GAS2L3: variants seen among roughly 807,000 people sequenced by gnomAD.
The protein encoded by GAS2L3 is GAS2-like protein 3.
Under a neutral mutation model 37.0 loss-of-function variants are expected in GAS2L3, and 28 were observed. The observed-to-expected ratio is 0.76, with a 90% CI of 0.56 to 1.04. The LOEUF (loss-of-function observed/expected upper bound fraction) is 1.04, where lower values mean the gene tolerates loss of function less well. Ranked by LOEUF, GAS2L3 falls within the 50% of genes least tolerant of loss-of-function variation. The pLI is 0.00. For missense variants in GAS2L3, 793 were observed against 817.6 expected, an observed-to-expected ratio of 0.97 and a Z score of 0.37; for synonymous variants, 290 against 296.6, an observed-to-expected ratio of 0.98 and a Z score of 0.23.
Position 100,624,402 on chromosome 12 carries a change from C to G in GAS2L3, c.1597C>G (p.Leu533Val). 6.2e-7 allele frequency: 1 copy of G among 1,613,978 alleles called. No individual in the cohort carries two copies. Among genetic ancestry groups the G allele is most frequent in the Non-Finnish European group, 8.5e-7 (1 of 1,180,000 alleles). ...KTSSKTIATG[L>V]GTQSQPSDGA... ...CAGTTCCAAAACCATAGCCACGGGTCTAGGAACACAGTCTCAACCATCCGA... is the reference window on the plus strand; with the variant it reads ...CAGTTCCAAAACCATAGCCACGGGTGTAGGAACACAGTCTCAACCATCCGA... Residue 533 changes from leucine to valine, a missense_variant, in exon 10 of 10, where the codon CTA becomes GTA. Transcript: ENST00000547754.
chr12:100,589,403 A>C (rs1955819102), intron 1 of GAS2L3, among the ~76,000 whole-genome samples: 1 of 152,140 alleles, frequency 6.6e-6, no homozygotes, highest in Non-Finnish European at 1.5e-5. Context: ...ACTACAAAAC[A>C]CTGCTGAAAC....
chr12:100,625,835 A>T lies in GAS2L3; in HGVS notation c.*945A>T, dbSNP rs1284193437. The T allele has an allele frequency of 1.3e-5, 2 of 152,230 alleles. No homozygotes were observed. Among genetic ancestry groups the T allele is most frequent in the East Asian group, 3.8e-4 (2 of 5,206 alleles). 9.4% of individuals were successfully genotyped at this position (152,230 alleles called of 1,614,324 possible). On this transcript the variant is annotated 3_prime_UTR_variant, in exon 10 of 10. Coordinates refer to ENST00000547754, the MANE Select transcript of GAS2L3 (RefSeq NM_174942.3). ...GTTAAAATAATTTTAGAGTTATGCT[A>T]TGTAAAAATTCTATCATGAAATTAT...
chr12:100,602,750 C>G (rs1208935708), intron 5 of GAS2L3, among the ~76,000 whole-genome samples: 1 of 151,950 alleles, frequency 6.6e-6, no homozygotes, highest in Non-Finnish European at 1.5e-5. Flanking sequence ...TTCTTTCTAA[C>G]TATATATTTT....
chr12:100,588,432 G>C (rs1211634277), intron 1 of GAS2L3, among the ~76,000 whole-genome samples: 1 of 152,164 alleles, frequency 6.6e-6, no homozygotes, highest in East Asian at 1.9e-4. Flanking sequence ...AAGATCACAT[G>C]CTTCAAAGGG....
chr12:100,596,769 T>C (rs1015900591), intron 3 of GAS2L3, among the ~76,000 whole-genome samples: 17 of 152,124 alleles, frequency 1.1e-4, no homozygotes, highest in African/African-American at 4.1e-4. Context: ...TCTGGGGTCA[T>C]AGTCCCATTT....
At chr12:100,589,391 A>G (rs1955819043) in intron 1 of GAS2L3, among the ~76,000 whole-genome samples, 2 of 152,184 alleles carry the variant, frequency 1.3e-5, no homozygotes, top group South Asian at 4.1e-4. Flanking sequence ...TCTACAAGGA[A>G]AACTACAAAA....
chr12:100,593,784 C>T (rs1204665053), intron 2 of GAS2L3: 1 of 152,068 alleles, frequency 6.6e-6, no homozygotes, highest in Non-Finnish European at 1.5e-5. Context: ...GCATAACAAG[C>T]TCATTAGGAA....
At chr12:100,598,390 G>GT (rs1955941254) in intron 3 of GAS2L3, among the ~76,000 whole-genome samples, 1 of 152,138 alleles carries the variant, frequency 6.6e-6, no homozygotes. Flanking sequence ...TTTGCTTGAT[G>GT]TTTTTTCATG....
chr12:100,591,092 T>G (rs1204357852), intron 1 of GAS2L3, among the ~76,000 whole-genome samples: 1 of 152,010 alleles, frequency 6.6e-6, no homozygotes, highest in East Asian at 1.9e-4. Flanking sequence ...AAATAAAAAA[T>G]AAAAGTAAAA....
At position 100,624,131 on chromosome 12, in the gene GAS2L3, C is replaced by T. The variant is rs755863061; in HGVS notation, c.1326C>T (p.Pro442=). The change falls in exon 10 of 10, where the codon CCC becomes CCT. Residue 442 remains proline, a synonymous_variant. Coordinates refer to ENST00000547754, the MANE Select transcript of GAS2L3 (RefSeq NM_174942.3). ...AATGTATTTCATCCCCCAATACCCC[C>T]AAGGCCAAGGTTATTCCAGCCCAGA... ...PRKCISSPNT[P]KAKVIPAQNS... The T allele has an allele frequency of 3.7e-6, 6 of 1,613,784 alleles. No individual in the cohort carries two copies. In the African/African-American group the frequency reaches 8.0e-5, roughly 22 times the overall value.
intron 8 of GAS2L3, among the ~76,000 whole-genome samples, chr12:100,619,723 C>A (rs1004822034): frequency 6.6e-6 from 1 of 151,654 alleles, no homozygotes; most frequent in Non-Finnish European, 1.5e-5. Context: ...TCTCATATAA[C>A]CTTAAAGAAT....
At chr12:100,615,477 A>C (rs904636106) in intron 6 of GAS2L3, among the ~76,000 whole-genome samples, 7 of 151,882 alleles carry the variant, frequency 4.6e-5, no homozygotes, top group African/African-American at 1.7e-4. Flanking sequence ...GTGTCCTTTG[A>C]TATACGAAAG....
At chr12:100,613,303 G>A (rs1207288080) in intron 6 of GAS2L3, among the ~76,000 whole-genome samples, 1 of 152,130 alleles carries the variant, frequency 6.6e-6, no homozygotes, top group African/African-American at 2.4e-5. Flanking sequence ...TTCATTTTGA[G>A]GCATTGAACC....
intron 6 of GAS2L3, among the ~76,000 whole-genome samples, chr12:100,614,028 A>G (rs1956158201): frequency 6.6e-6 from 1 of 152,198 alleles, no homozygotes; most frequent in African/African-American, 2.4e-5. Context: ...GATGATCCAC[A>G]ACTACTATAT....
At chr12:100,598,441 A>G (rs1477706399) in intron 3 of GAS2L3, among the ~76,000 whole-genome samples, 1 of 152,086 alleles carries the variant, frequency 6.6e-6, no homozygotes, top group East Asian at 1.9e-4. Flanking sequence ...AATTTTTATC[A>G]TTGCCTCCTA....
At chr12:100,616,647 C>G (rs1201146100) in intron 6 of GAS2L3, among the ~76,000 whole-genome samples, 2 of 151,968 alleles carry the variant, frequency 1.3e-5, no homozygotes, top group Non-Finnish European at 2.9e-5. Flanking sequence ...CAGGGTCTCA[C>G]TTTGTTGCCC....
Position 100,601,768 on chromosome 12 carries a change from G to T in GAS2L3, c.303+15G>T. 1 of 1,323,744 alleles carries T rather than the reference G, an allele frequency of 7.6e-7. No individual in the cohort carries two copies. The highest frequency in any genetic ancestry group is 1.2e-5 in the South Asian group (1 of 80,302). 82.0% of individuals were successfully genotyped at this position (1,323,744 alleles called of 1,614,324 possible). On this transcript the variant is annotated intron_variant, in intron 5 of 9. Coordinates refer to ENST00000547754, the MANE Select transcript of GAS2L3 (RefSeq NM_174942.3). ...AAGAATCAGGGGTAAGTAAATGTTCGACAGTATTGATTTTATGTCTTGGTA... is the reference window on the plus strand; with the variant it reads ...AAGAATCAGGGGTAAGTAAATGTTCTACAGTATTGATTTTATGTCTTGGTA...
intron 7 of GAS2L3, 27 bp downstream of exon 7, chr12:100,617,834 T>C (rs759595301): frequency 3.2e-5 from 43 of 1,338,482 alleles, no homozygotes; most frequent in Non-Finnish European, 4.5e-5. Flanking sequence ...ATTTCAGAAT[T>C]TCAATGTTAT....
In GAS2L3 at chr12:100,627,650, A is replaced by C. The variant is rs1269661350; in HGVS notation, c.*2760A>C. The C allele has an allele frequency of 6.6e-6, 1 of 152,240 alleles. No individual in the cohort carries two copies. Among genetic ancestry groups the C allele is most frequent in the Non-Finnish European group, 1.5e-5 (1 of 68,040 alleles). 9.4% of individuals were successfully genotyped at this position (152,240 alleles called of 1,614,324 possible). ...CAGATGTATTTTGAAATTCTCCTAA[A>C]GAGCTAGTGTTTCTATTCATTTTCA... On this transcript the variant is annotated 3_prime_UTR_variant, in exon 10 of 10. Transcript: ENST00000547754.
Sources: gnomAD v4.1 joint callset for allele counts (sites outside exome capture counted in the v4.1 genomes callset) on GRCh38, gnomAD v4.1.1 for gene constraint, MANE v1.5 for transcripts, NCBI Gene and HGNC (gene_info 2026-07-23, HGNC 2026-07-21) for gene names.